Variants in EHD3 observed in about 807,000 individuals in gnomAD.
EHD3 encodes the protein EH domain-containing protein 3.
In EHD3, 17 loss-of-function variants were observed where a neutral mutation model predicts 43.0. The observed-to-expected ratio is 0.40, with a 90% CI of 0.27 to 0.59. The LOEUF is 0.59. Ranked by LOEUF, EHD3 falls within the 20% of genes least tolerant of loss-of-function variation. The probability of loss-of-function intolerance (pLI) is 0.49; values close to 1 mark genes in which losing one functional copy is unlikely to be tolerated. For synonymous variants in EHD3, 313 were observed against 289.5 expected (o/e 1.08, Z -0.82); for missense variants, 594 against 705.6 (o/e 0.84, Z 1.79).
At position 31,244,220 on chromosome 2, in the gene EHD3, C is replaced by G. The variant is rs556105310; in HGVS notation, c.228-54C>G. 2.6e-6 allele frequency: 4 copies of G among 1,548,866 alleles called. No individual in the cohort carries two copies. In the African/African-American group the frequency reaches 5.4e-5, roughly 21 times the overall value. ...GTTGTCTGCCTTATAGTAGACATGC[C>G]GTGTTGATCTTTGCGCAGAACGCCT... On this transcript the variant is annotated intron_variant, in intron 1 of 5. Coordinates refer to ENST00000322054, the MANE Select transcript of EHD3 (RefSeq NM_014600.3).
chr2:31,234,233 C>G lies in EHD3; in HGVS notation c.-389C>G, dbSNP rs1332469935. 7.6e-6 allele frequency: 2 copies of G among 263,562 alleles called. No homozygotes were observed. Among genetic ancestry groups the G allele is most frequent in the African/African-American group, 4.7e-5 (2 of 42,228 alleles). The allele number at this position is 263,562 out of a possible 1,614,324, so 16.3% of individuals were successfully genotyped here. A position where few individuals can be genotyped will look rare whatever the true frequency, so the allele number is the denominator to read the frequency against. On this transcript the variant is annotated 5_prime_UTR_variant, in exon 1 of 6. Transcript: ENST00000322054. ...CCGCCTCGGTCCGGCAGGAGCGGAGCCGAAGCATCCCTTGCTGCACGCAGG... is the reference window on the plus strand; with the variant it reads ...CCGCCTCGGTCCGGCAGGAGCGGAGGCGAAGCATCCCTTGCTGCACGCAGG...
rs1193910180 is a variant in EHD3 at position 31,266,151 on chromosome 2, T to G, written c.1081-26T>G. The G allele has an allele frequency of 6.3e-7, 1 of 1,590,236 alleles. No individual in the cohort carries two copies. Among genetic ancestry groups the G allele is most frequent in the South Asian group, 1.1e-5 (1 of 87,606 alleles). On this transcript the variant is annotated intron_variant, in intron 5 of 5. Coordinates refer to ENST00000322054, the MANE Select transcript of EHD3 (RefSeq NM_014600.3). This position sits in a 1 kb window ranked among gnomAD's most constrained non-coding sequence, Gnocchi z 5.1. ...GGCTCTCCTTTCATCGTATCCTATCTTCATCCTCTCTCCTCCTCTTCCCAG... is the reference window on the plus strand; with the variant it reads ...GGCTCTCCTTTCATCGTATCCTATCGTCATCCTCTCTCCTCCTCTTCCCAG...
At position 31,249,358 on chromosome 2, in the gene EHD3, T is replaced by C; in HGVS notation, c.405-13T>C. On this transcript the variant is annotated splice_polypyrimidine_tract_variant and intron_variant, in intron 2 of 5. Transcript: ENST00000322054. ...TGGGCGAGTACTCACCCAGGTTACC[T>C]CTGCCCATGCAGGTTCGTGTGTGCC... The C allele has an allele frequency of 6.2e-7, 1 of 1,613,582 alleles. No homozygotes were observed. Among genetic ancestry groups the C allele is most frequent in the Non-Finnish European group, 8.5e-7 (1 of 1,179,564 alleles).
At position 31,244,408 on chromosome 2, in the gene EHD3, C is replaced by T; in HGVS notation, c.362C>T (p.Pro121Leu). 6.2e-7 allele frequency: 1 copy of T among 1,614,152 alleles called. No individual in the cohort carries two copies. Among genetic ancestry groups the T allele is most frequent in the Non-Finnish European group, 8.5e-7 (1 of 1,180,024 alleles). Residue 121 changes from proline to leucine, a missense_variant, in exon 2 of 6, where the codon CCC (proline) becomes CTC (leucine). Physicochemically the swap from Pro to Leu is moderately conservative, Grantham distance 98. Coordinates refer to ENST00000322054, the MANE Select transcript of EHD3 (RefSeq NM_014600.3). ...GCCCTGGTGGTGGATCCCAAGAAAC[C>T]CTTCAGGAAACTCAACGCCTTTGGC... is the stretch of plus-strand genomic sequence containing the variant. Reference protein sequence around the residue: ...GNALVVDPKKPFRKLNAFGNA... With the variant: ...GNALVVDPKKLFRKLNAFGNA...
At chr2:31,246,007 G>A (rs1683519701) in intron 2 of EHD3, among the ~76,000 whole-genome samples, 1 of 152,132 alleles carries the variant, frequency 6.6e-6, no homozygotes, top group African/African-American at 2.4e-5. Context: ...ACTGTGAGTG[G>A]CCAAGGTGTG....
chr2:31,255,881 AG>A (rs1683742887), intron 3 of EHD3, among the ~76,000 whole-genome samples: 1 of 152,198 alleles, frequency 6.6e-6, no homozygotes, highest in Non-Finnish European at 1.5e-5. Flanking sequence ...GACTTCACAC[AG>A]GCATCCCCGA....
intron 3 of EHD3, among the ~76,000 whole-genome samples, chr2:31,259,655 GC>G (rs1683810459): frequency 6.6e-6 from 1 of 152,202 alleles, no homozygotes; most frequent in Non-Finnish European, 1.5e-5. Context: ...AAAGGAAAGA[GC>G]CTGAGTGAGA....
At chr2:31,241,122 C>T (rs73922288) in intron 1 of EHD3, among the ~76,000 whole-genome samples, 2,143 of 152,294 alleles carry the variant, frequency 0.014, 55 homozygotes, top group African/African-American at 0.049. Flanking sequence ...AAGCAGGGAA[C>T]CCCACAGCTG....
At chr2:31,264,825 G>T (rs529557402) in intron 5 of EHD3, among the ~76,000 whole-genome samples, 4 of 152,030 alleles carry the variant, frequency 2.6e-5, no homozygotes, top group African/African-American at 9.7e-5. Flanking sequence ...GAGCCACCGC[G>T]CCTAGCCTAC....
At chr2:31,243,134 C>G (rs902790198) in intron 1 of EHD3, among the ~76,000 whole-genome samples, 1 of 151,842 alleles carries the variant, frequency 6.6e-6, no homozygotes, top group Non-Finnish European at 1.5e-5. Context: ...AAAAATTAGC[C>G]AGGCATGGTG....
intron 1 of EHD3, among the ~76,000 whole-genome samples, chr2:31,242,707 A>T (rs1451794871): frequency 6.6e-6 from 1 of 152,250 alleles, no homozygotes; most frequent in African/African-American, 2.4e-5. Context: ...CTGTAATCCC[A>T]GCACTTTGGG....
rs976473585 is a variant in EHD3 at position 31,250,457 on chromosome 2, G to T, written c.502+989G>T. On this transcript the variant is annotated intron_variant, in intron 3 of 5. Coordinates refer to ENST00000322054, the MANE Select transcript of EHD3 (RefSeq NM_014600.3). ...AATTTTTTGTATTTTTAGTAGAGAC[G>T]GAGTTTTACCATGTTGGCCAGAATG... Among the ~76,000 whole-genome samples the T allele has an allele frequency of 2.0e-5, 3 of 151,982 alleles. No homozygotes were observed. The East Asian group carries it at 5.8e-4, about 29-fold the overall frequency.
intron 3 of EHD3, among the ~76,000 whole-genome samples, chr2:31,257,077 G>C (rs1683765435): frequency 6.6e-6 from 1 of 152,210 alleles, no homozygotes; most frequent in South Asian, 2.1e-4. Flanking sequence ...GCCTGCACTG[G>C]CACAGCTAAA....
At chr2:31,234,892 G>A in intron 1 of EHD3, 44 bp downstream of exon 1, 7 of 1,588,696 alleles carry the variant, frequency 4.4e-6, no homozygotes, top group Non-Finnish European at 5.2e-6. Flanking sequence ...GGAGCCCAGC[G>A]CCTAGTCCCT....
At chr2:31,259,787 C>T (rs190356593) in intron 3 of EHD3, among the ~76,000 whole-genome samples, 2 of 152,332 alleles carry the variant, frequency 1.3e-5, no homozygotes, top group East Asian at 1.9e-4. Context: ...GAAAGAATTT[C>T]TGGGTCTTTG....
chr2:31,257,031 A>C (rs1031314319), intron 3 of EHD3, among the ~76,000 whole-genome samples: 4 of 152,220 alleles, frequency 2.6e-5, no homozygotes, highest in Non-Finnish European at 5.9e-5. Flanking sequence ...AGGGAGCTGC[A>C]GCCCAGTCTT....
rs1045094372 is a variant in EHD3 at position 31,241,667 on chromosome 2, G to A, written c.228-2607G>A. Among the ~76,000 whole-genome samples the A allele has an allele frequency of 2.0e-5, 3 of 152,154 alleles. No homozygotes were observed. In the South Asian group the frequency reaches 6.2e-4, roughly 32 times the overall value. On this transcript the variant is annotated intron_variant, in intron 1 of 5. Transcript: ENST00000322054. ...TCGCAGGTACTCAGTCAGTCTGAACGATTACCCGCCATGTTATGGAGTGAG... is the reference window on the plus strand; with the variant it reads ...TCGCAGGTACTCAGTCAGTCTGAACAATTACCCGCCATGTTATGGAGTGAG...
At chr2:31,238,146 T>A (rs1683356065) in intron 1 of EHD3, among the ~76,000 whole-genome samples, 1 of 152,192 alleles carries the variant, frequency 6.6e-6, no homozygotes, top group South Asian at 2.1e-4. Flanking sequence ...AGAGGGTGAG[T>A]TGACACTGCA....
intron 2 of EHD3, among the ~76,000 whole-genome samples, chr2:31,245,868 A>C (rs1683514156): frequency 6.7e-6 from 1 of 149,130 alleles, no homozygotes; most frequent in Admixed American, 6.8e-5. Flanking sequence ...GGCGTGAGCC[A>C]CCGTGCCTGG....
Sources: gnomAD v4.1 joint callset for allele counts (sites outside exome capture counted in the v4.1 genomes callset) on GRCh38, gnomAD v4.1.1 for gene constraint, Gnocchi (gnomAD v3.1) non-coding constraint, MANE v1.5 for transcripts, NCBI Gene and HGNC (gene_info 2026-07-23, HGNC 2026-07-21) for gene names.